Variants in LDAH observed in about 807,000 individuals in gnomAD.
LDAH encodes the protein lipid droplet associated hydrolase.
LDAH carries 26 observed loss-of-function variants against 29.6 expected under a neutral mutation model. The ratio of observed to expected loss-of-function variants is 0.88; its 90% CI spans 0.64 to 1.22. The LOEUF is 1.22. LDAH is among the 50% of genes most tolerant of loss of function. LDAH has a pLI of 0.00. For missense variants in LDAH, 344 were observed against 387.3 expected (o/e 0.89, Z 0.94); for synonymous variants, 117 against 133.0 (o/e 0.88, Z 0.83).
At chr2:20,805,024 A>T (rs1300436129) in intron 1 of LDAH, among the ~76,000 whole-genome samples, 1 of 152,228 alleles carries the variant, frequency 6.6e-6, no homozygotes, top group African/African-American at 2.4e-5. Flanking sequence ...CACTATATTA[A>T]ATTAGAGCAC....
At chr2:20,807,319 T>C (rs868186166) in intron 1 of LDAH, among the ~76,000 whole-genome samples, 11 of 152,132 alleles carry the variant, frequency 7.2e-5, no homozygotes, top group African/African-American at 2.7e-4. Context: ...CAATTTTACA[T>C]ACAGTTGTCC....
chr2:20,819,855 T>C (rs1673126763), intron 1 of LDAH, among the ~76,000 whole-genome samples: 1 of 152,138 alleles, frequency 6.6e-6, no homozygotes, highest in East Asian at 1.9e-4. Flanking sequence ...GATTGTATAT[T>C]CAGAAAACCC....
At chr2:20,787,782 A>G (rs1277068873) in intron 3 of LDAH, among the ~76,000 whole-genome samples, 4 of 152,246 alleles carry the variant, frequency 2.6e-5, no homozygotes, top group African/African-American at 7.2e-5. Context: ...AAATACCCTG[A>G]AAATCTAAAT....
chr2:20,807,191 A>G (rs1436436822), intron 1 of LDAH, among the ~76,000 whole-genome samples: 8 of 152,092 alleles, frequency 5.3e-5, no homozygotes, highest in Admixed American at 3.3e-4. Context: ...CAAACAAACA[A>G]AAAAACCAAA....
At chr2:20,766,387 T>G (rs1654266049) in intron 4 of LDAH, among the ~76,000 whole-genome samples, 1 of 151,860 alleles carries the variant, frequency 6.6e-6, no homozygotes, top group South Asian at 2.1e-4. Flanking sequence ...CAGGCAGAGG[T>G]TTTAAAATGT....
At chr2:20,791,122 G>A (rs1670917939) in intron 2 of LDAH, among the ~76,000 whole-genome samples, 1 of 152,186 alleles carries the variant, frequency 6.6e-6, no homozygotes, top group South Asian at 2.1e-4. Context: ...GAGCACTGAT[G>A]TAAATAACCA....
Position 20,728,816 on chromosome 2 carries a change from G to GA in LDAH, c.703+11154dup, listed in dbSNP as rs113580844. On this transcript the variant is annotated intron_variant, in intron 5 of 6. Transcript: ENST00000237822. ...TTACACACACTGGGTAGGTTATGGG[G>GA]AAAAAAAAAAATCAGAGACCACTGA... Among the ~76,000 whole-genome samples the GA allele has an allele frequency of 2.6e-3, 386 of 146,626 alleles. 1 individual carries two copies. Among genetic ancestry groups the GA allele is most frequent in the Middle Eastern group, 0.018 (5 of 284 alleles).
intron 6 of LDAH, among the ~76,000 whole-genome samples, chr2:20,700,011 C>T (rs1184459485): frequency 3.3e-5 from 5 of 152,180 alleles, no homozygotes; most frequent in Non-Finnish European, 5.9e-5. Context: ...AGTTGTTCAG[C>T]AAGTGTGAAT....
intron 6 of LDAH, among the ~76,000 whole-genome samples, chr2:20,689,827 T>C (rs748163914): frequency 6.6e-6 from 1 of 152,162 alleles, no homozygotes; most frequent in African/African-American, 2.4e-5. Flanking sequence ...CTGCAGGGCA[T>C]GCTCTCGCCT....
At chr2:20,819,921 A>G (rs1385160140) in intron 1 of LDAH, among the ~76,000 whole-genome samples, 2 of 152,070 alleles carry the variant, frequency 1.3e-5, no homozygotes, top group Admixed American at 1.3e-4. Context: ...CAAAGTCTCA[A>G]GATACAAAAT....
At chr2:20,760,381 T>G (rs1668600188) in intron 4 of LDAH, among the ~76,000 whole-genome samples, 1 of 152,214 alleles carries the variant, frequency 6.6e-6, no homozygotes, top group African/African-American at 2.4e-5. Flanking sequence ...ATGTAATAAA[T>G]TACTAAAACT....
intron 5 of LDAH, among the ~76,000 whole-genome samples, chr2:20,734,938 C>T (rs907993184): frequency 6.6e-6 from 1 of 152,156 alleles, no homozygotes; most frequent in Admixed American, 6.5e-5. Flanking sequence ...TTTCATTTTG[C>T]ATTTTGTCAT....
chr2:20,793,827 C>A (rs910525235), intron 2 of LDAH, among the ~76,000 whole-genome samples: 3 of 152,100 alleles, frequency 2.0e-5, no homozygotes, highest in South Asian at 2.1e-4. Context: ...AAACAGATAA[C>A]CTAAATAGCC....
chr2:20,707,143 T>A (rs774315641), intron 5 of LDAH, among the ~76,000 whole-genome samples: 5 of 152,160 alleles, frequency 3.3e-5, no homozygotes, highest in Non-Finnish European at 7.3e-5. Flanking sequence ...TCTAAATCAC[T>A]CTAAATCCTG....
rs531675726 is a variant in LDAH, at chr2:20,692,194, C to T, written c.787-5100G>A. 1.1e-3 allele frequency among the ~76,000 whole-genome samples: 167 copies of T among 152,156 alleles called. 1 individual carries two copies. The highest frequency in any genetic ancestry group is 3.8e-3 in the African/African-American group (157 of 41,524). On this transcript the variant is annotated intron_variant, in intron 6 of 6. Transcript: ENST00000237822. ...GCCCTGGAACAGCTCACAGACTAGG[C>T]GAGAGAACAGACCTATATAAACTGG...
chr2:20,815,869 A>G lies in LDAH; in HGVS notation c.-3+7168T>C, dbSNP rs551241946. ...CGGGTAATAGTCATGGTAAATATAA[A>G]ATGAACTATTCTTCATCTTATGAGT... On this transcript the variant is annotated intron_variant, in intron 1 of 6. Transcript: ENST00000237822. Among the ~76,000 whole-genome samples the G allele has an allele frequency of 1.0e-3, 152 of 152,140 alleles. 1 individual carries two copies. Among genetic ancestry groups the G allele is most frequent in the Non-Finnish European group, 1.9e-3 (126 of 67,976 alleles).
intron 6 of LDAH, among the ~76,000 whole-genome samples, chr2:20,694,952 C>T (rs1270376283): frequency 6.6e-6 from 1 of 152,266 alleles, no homozygotes; most frequent in East Asian, 1.9e-4. Context: ...CCTCTGCTTT[C>T]CTCTGGCGAG....
At chr2:20,734,127 T>C (rs113827083) in intron 5 of LDAH, among the ~76,000 whole-genome samples, 4,295 of 152,302 alleles carry the variant, frequency 0.028, 204 homozygotes, top group African/African-American at 0.099. Context: ...CTATTCCTGG[T>C]TTCCTTTGCT....
intron 4 of LDAH, among the ~76,000 whole-genome samples, chr2:20,748,409 T>G (rs1667726354): frequency 6.6e-6 from 1 of 152,244 alleles, no homozygotes; most frequent in South Asian, 2.1e-4. Context: ...CACCTGAAAC[T>G]TAGCTTCAAT....
Sources: allele counts gnomAD v4.1 joint callset (sites outside exome capture counted in the v4.1 genomes callset), GRCh38; gene constraint gnomAD v4.1.1; transcripts MANE v1.5; gene names NCBI Gene and HGNC (gene_info 2026-07-23, HGNC 2026-07-21).